RORA: variants seen among roughly 807,000 people sequenced by gnomAD.
RORA encodes nuclear receptor ROR-alpha.
In RORA, 7 loss-of-function variants were observed where a neutral mutation model predicts 69.5. That is an observed-to-expected ratio of 0.10 (90% CI 0.06 to 0.19). The LOEUF is 0.19. Ranked by LOEUF, RORA falls within the 10% of genes least tolerant of loss-of-function variation. RORA has a pLI of 1.00. For synonymous variants in RORA, 261 were observed against 240.8 expected, an observed-to-expected ratio of 1.08 and a Z score of -0.78; for missense variants, 457 against 663.0, an observed-to-expected ratio of 0.69 and a Z score of 3.41.
chr15:60,873,197 A>G (rs546828010), intron 1 of RORA, among the ~76,000 whole-genome samples: 1 of 151,732 alleles, frequency 6.6e-6, no homozygotes, highest in South Asian at 2.1e-4. Context: ...CCTCCACACC[A>G]GATTGTGGTC....
At chr15:60,510,032 T>C (rs1269699767) in intron 5 of RORA, among the ~76,000 whole-genome samples, 1 of 152,186 alleles carries the variant, frequency 6.6e-6, no homozygotes, top group Non-Finnish European at 1.5e-5. Context: ...GAAATATAAA[T>C]TTTCACTTAA....
At position 60,941,994 on chromosome 15, in the gene RORA, T is replaced by C. The variant is rs186680968; in HGVS notation, c.167-263308A>G. 6.1e-4 allele frequency among the ~76,000 whole-genome samples: 93 copies of C among 152,320 alleles called. 1 individual carries two copies. The highest frequency in any genetic ancestry group is 6.8e-3 in the Middle Eastern group (2 of 294). ...GCAGGCAAATCTCCTATGCATAAAA[T>C]CTGCTAAGTCTTCAAGCAAACTCAC... is the stretch of plus-strand genomic sequence containing the variant. On this transcript the variant is annotated intron_variant, in intron 1 of 10. Transcript: ENST00000335670.
chr15:60,550,323 A>T (rs1307360686), intron 2 of RORA, among the ~76,000 whole-genome samples: 1 of 152,110 alleles, frequency 6.6e-6, no homozygotes, highest in East Asian at 1.9e-4. Context: ...AAAAACCAAG[A>T]GGCACATTTA....
intron 1 of RORA, among the ~76,000 whole-genome samples, chr15:61,117,940 T>A (rs758737750): frequency 6.6e-6 from 1 of 152,222 alleles, no homozygotes; most frequent in Non-Finnish European, 1.5e-5. Context: ...GGGCTCAAGA[T>A]ACCTGGGTTC....
At chr15:60,688,802 T>C (rs1374776133) in intron 1 of RORA, among the ~76,000 whole-genome samples, 1 of 152,122 alleles carries the variant, frequency 6.6e-6, no homozygotes, top group Non-Finnish European at 1.5e-5. Context: ...TGGGACAACT[T>C]TTGACTCCTA....
intron 1 of RORA, among the ~76,000 whole-genome samples, chr15:61,183,902 C>T (rs149690152): frequency 1.7e-3 from 253 of 152,218 alleles, no homozygotes; most frequent in Non-Finnish European, 3.0e-3. Context: ...CAGACAGACA[C>T]GCCTTGTCTA....
rs2073026389 is a variant in RORA, at chr15:60,830,409, A to G, written c.167-151723T>C. ...TGCAGTTTTAGATATTGATTTTTCC[A>G]CTTAACATTATATCGTGAGCATTTT... On this transcript the variant is annotated intron_variant, in intron 1 of 10. Coordinates refer to ENST00000335670, the MANE Select transcript of RORA (RefSeq NM_134261.3). Among the ~76,000 whole-genome samples, 2 of 152,238 alleles carry G rather than the reference A, an allele frequency of 1.3e-5. 1 individual carries two copies. The highest frequency in any genetic ancestry group is 4.8e-5 in the African/African-American group (2 of 41,456).
At chr15:60,591,793 G>GGCGGGACACAGC (rs576557406) in intron 2 of RORA, among the ~76,000 whole-genome samples, 46 of 152,196 alleles carry the variant, frequency 3.0e-4, no homozygotes, top group Non-Finnish European at 4.9e-4. Flanking sequence ...AAGTGGCCGC[G>GGCGGGACACAGC]GCGGGACACA....
chr15:60,841,069 C>A (rs1261540268), intron 1 of RORA: 32 of 984,610 alleles, frequency 3.3e-5, no homozygotes, highest in Non-Finnish European at 3.6e-5. Context: ...AGCGTACTTA[C>A]CAAATGTTGA....
intron 1 of RORA, among the ~76,000 whole-genome samples, chr15:60,952,231 A>C (rs1250185084): frequency 1.3e-5 from 2 of 152,026 alleles, no homozygotes; most frequent in East Asian, 3.8e-4. Context: ...CCTTTGACAA[A>C]ATTCAACAAC....
chr15:60,643,490 G>C lies in RORA; in HGVS notation c.196+35167C>G, dbSNP rs563839502. Among the ~76,000 whole-genome samples the C allele has an allele frequency of 1.3e-4, 20 of 152,316 alleles. No individual in the cohort carries two copies. In the South Asian group the frequency reaches 4.1e-3, roughly 32 times the overall value. On this transcript the variant is annotated intron_variant, in intron 2 of 10. Coordinates refer to ENST00000335670, the MANE Select transcript of RORA (RefSeq NM_134261.3). Reference sequence around the variant, plus strand: ...TGGTGAACAATAGTTTGTGTTCCAAGAATAACCCTGGGTTTGAGGATAGAA... The same window carrying C: ...TGGTGAACAATAGTTTGTGTTCCAACAATAACCCTGGGTTTGAGGATAGAA...
chr15:60,799,489 A>G (rs2072547570), intron 1 of RORA, among the ~76,000 whole-genome samples: 1 of 152,124 alleles, frequency 6.6e-6, no homozygotes, highest in Non-Finnish European at 1.5e-5. Flanking sequence ...TAAGAGTTAG[A>G]TGTTGATACA....
At chr15:60,727,145 C>T (rs1356836576) in intron 1 of RORA, among the ~76,000 whole-genome samples, 1 of 152,228 alleles carries the variant, frequency 6.6e-6, no homozygotes, top group Non-Finnish European at 1.5e-5. Context: ...GCTAAGTCCA[C>T]TGCTTCATTG....
At position 60,555,075 on chromosome 15, in the gene RORA, A is replaced by C. The variant is rs146079607; in HGVS notation, c.197-23224T>G. Among the ~76,000 whole-genome samples, 9 of 152,236 alleles carry C rather than the reference A, an allele frequency of 5.9e-5. No individual in the cohort carries two copies. The East Asian group carries it at 1.7e-3, about 29-fold the overall frequency. ...ATCATAAGCCAAAGAAGAGGTGATA[A>C]TCTTCAGCGTGCCCTACTTGCCAGG... On this transcript the variant is annotated intron_variant, in intron 2 of 10. Coordinates refer to ENST00000335670, the MANE Select transcript of RORA (RefSeq NM_134261.3).
intron 1 of RORA, among the ~76,000 whole-genome samples, chr15:61,167,167 T>C (rs996294631): frequency 6.6e-6 from 1 of 152,206 alleles, no homozygotes; most frequent in Non-Finnish European, 1.5e-5. Context: ...TCTGTAAAAA[T>C]CACTCTTCAC....
intron 1 of RORA, among the ~76,000 whole-genome samples, chr15:61,121,038 CG>C (rs1280773563): frequency 2.6e-5 from 4 of 151,750 alleles, no homozygotes; most frequent in African/African-American, 9.7e-5. Context: ...TTGGTAGAGA[CG>C]GGGTTTCACC....
rs79553710 is a variant in RORA at position 60,988,186 on chromosome 15, C to T, written c.166+240867G>A. 8.7e-3 allele frequency among the ~76,000 whole-genome samples: 1,325 copies of T among 152,288 alleles called. 23 individuals carry two copies. The highest frequency in any genetic ancestry group is 0.027 in the African/African-American group (1,118 of 41,570). On this transcript the variant is annotated intron_variant, in intron 1 of 10. Transcript: ENST00000335670. ...GTAAGAGTGAAAACAGCGTAGCAGA[C>T]GGAAGCCCTAAGCAGGTCCTCCAGG...
chr15:60,805,115 C>A (rs746398783), intron 1 of RORA, among the ~76,000 whole-genome samples: 17 of 152,210 alleles, frequency 1.1e-4, no homozygotes, highest in Admixed American at 1.0e-3. Flanking sequence ...ACTTCCCCAA[C>A]CTGCAGCTGG....
intron 1 of RORA, among the ~76,000 whole-genome samples, chr15:60,827,932 C>A (rs147827947): frequency 6.6e-6 from 1 of 152,158 alleles, no homozygotes; most frequent in South Asian, 2.1e-4. Flanking sequence ...ATGTTAGTAA[C>A]CCCTGGTATA....
Sources: allele counts gnomAD v4.1 joint callset (sites outside exome capture counted in the v4.1 genomes callset), GRCh38; gene constraint gnomAD v4.1.1; transcripts MANE v1.5; gene names NCBI Gene and HGNC (gene_info 2026-07-23, HGNC 2026-07-21).